The following FLNB variants were observed in gnomAD, a reference collection of about 807,000 sequenced individuals.
FLNB encodes filamin B.
A neutral mutation model predicts 250.6 loss-of-function variants in FLNB; 111 were observed. That is an observed-to-expected ratio of 0.44 (90% CI 0.38 to 0.52). The LOEUF (loss-of-function observed/expected upper bound fraction) is 0.52. Ranked by LOEUF, FLNB falls within the 20% of genes least tolerant of loss-of-function variation. The pLI is 0.00. For missense variants in FLNB, 2,869 were observed against 3,447.8 expected (o/e 0.83, Z 4.20); for synonymous variants, 1,302 against 1,372.1 (o/e 0.95, Z 1.13).
chr3:58,130,453 G>A (rs781197113), intron 24 of FLNB, among the ~76,000 whole-genome samples: 2 of 152,166 alleles, frequency 1.3e-5, no homozygotes, highest in Non-Finnish European at 2.9e-5. Flanking sequence ...TATGTAGGAT[G>A]TTAGAGTGAC....
intron 8 of FLNB, among the ~76,000 whole-genome samples, chr3:58,099,715 G>A (rs1283051143): frequency 1.3e-5 from 2 of 152,164 alleles, no homozygotes; most frequent in Non-Finnish European, 2.9e-5. Flanking sequence ...TGAGACCACT[G>A]GGCCAGAGGC....
chr3:58,161,917 T>A (rs1479126351), intron 42 of FLNB, among the ~76,000 whole-genome samples: 1 of 152,200 alleles, frequency 6.6e-6, no homozygotes, highest in Non-Finnish European at 1.5e-5. Flanking sequence ...CACGTCTGCC[T>A]TCCCCTCTCA....
At chr3:58,021,674 C>G (rs2097114250) in intron 1 of FLNB, among the ~76,000 whole-genome samples, 1 of 152,212 alleles carries the variant, frequency 6.6e-6, no homozygotes, top group Non-Finnish European at 1.5e-5. Context: ...CTAATTGTCT[C>G]TCCTATCCCT....
At chr3:58,057,902 T>C (rs1255036089) in intron 1 of FLNB, among the ~76,000 whole-genome samples, 1 of 152,014 alleles carries the variant, frequency 6.6e-6, no homozygotes, top group African/African-American at 2.4e-5. Context: ...GCGATTCTCC[T>C]ACCTCAGCCT....
At chr3:58,094,756 C>G in intron 4 of FLNB, 80 bp from the exon 5 acceptor site, 2 of 1,175,508 alleles carry the variant, frequency 1.7e-6, no homozygotes, top group Non-Finnish European at 2.6e-6. Context: ...TCTCTCAGTT[C>G]CCTGAAAGAG....
intron 24 of FLNB, among the ~76,000 whole-genome samples, chr3:58,128,119 G>A (rs1296361173): frequency 1.3e-5 from 2 of 152,154 alleles, no homozygotes; most frequent in African/African-American, 4.8e-5. Context: ...TCTGGGTCAC[G>A]CTGAGAGGGG....
In FLNB at chr3:58,091,804, G is replaced by C. The variant is rs549176979; in HGVS notation, c.788-3032G>C. Reference sequence around the variant, plus strand: ...CACCTACTGTCCTGCAAGACAAGCTGTCTTAGCCCTCACACTATAAAAGCC... The same window carrying C: ...CACCTACTGTCCTGCAAGACAAGCTCTCTTAGCCCTCACACTATAAAAGCC... On this transcript the variant is annotated intron_variant, in intron 4 of 45. Transcript: ENST00000295956. Among the ~76,000 whole-genome samples, 5 of 152,282 alleles carry C rather than the reference G, an allele frequency of 3.3e-5. No homozygotes were observed. In the East Asian group the frequency reaches 7.7e-4, roughly 23 times the overall value.
chr3:58,132,843 G>C lies in FLNB; in HGVS notation c.4426G>C (p.Asp1476His), dbSNP rs150947880. 34 of 1,614,036 alleles carry C rather than the reference G, an allele frequency of 2.1e-5. No homozygotes were observed. Among genetic ancestry groups the C allele is most frequent in the Non-Finnish European group, 2.4e-5 (28 of 1,180,028 alleles). The change falls in exon 26 of 46, where the codon GAT (aspartate) becomes CAT (histidine). Residue 1476 changes from aspartate to histidine, a missense_variant. By Grantham distance (81) the Asp-to-His change is moderately conservative. Around this residue, in one of 5 missense-constraint regions of FLNB, gnomAD observed 126 missense variants for 182.0 expected, o/e 0.69. Transcript: ENST00000295956. ...VEPVNVVDNG[D>H]GTHTVTYTPS... ...GCCAGTGAACGTGGTGGACAATGGA[G>C]ATGGCACACACACAGTAACCTACAC...
intron 43 of FLNB, among the ~76,000 whole-genome samples, chr3:58,166,662 A>T (rs1433083957): frequency 6.6e-6 from 1 of 151,818 alleles, no homozygotes; most frequent in Non-Finnish European, 1.5e-5. Flanking sequence ...CTCTACAAAA[A>T]AATTTAAAAA....
rs553780817 is a variant in FLNB, at chr3:58,078,394, A to C, written c.542-323A>C. 1.1e-5 allele frequency: 17 copies of C among 1,527,652 alleles called. No homozygotes were observed. The Admixed American group carries it at 3.3e-4, about 30-fold the overall frequency. 94.6% of individuals were successfully genotyped at this position (1,527,652 alleles called of 1,614,324 possible). A position where few individuals can be genotyped will look rare whatever the true frequency, so the allele number is the denominator to read the frequency against. ...TATATCCAGGAATAGAGTAAAAAATAAAATCCCTCCTGCATAAAGGCACCA... is the reference window on the plus strand; with the variant it reads ...TATATCCAGGAATAGAGTAAAAAATCAAATCCCTCCTGCATAAAGGCACCA... On this transcript the variant is annotated intron_variant, in intron 2 of 45. Transcript: ENST00000295956.
At chr3:58,114,753 G>A (rs915983054) in intron 18 of FLNB, among the ~76,000 whole-genome samples, 51 of 148,032 alleles carry the variant, frequency 3.4e-4, no homozygotes, top group Non-Finnish European at 6.5e-4. Context: ...TGACCATCCT[G>A]TTGAGTGTAA....
At chr3:58,155,703 A>G (rs774235632) in intron 40 of FLNB, among the ~76,000 whole-genome samples, 14 of 152,192 alleles carry the variant, frequency 9.2e-5, no homozygotes, top group Admixed American at 8.5e-4. Flanking sequence ...TTTTTTCCCC[A>G]TTGAAGTCCA....
chr3:58,059,739 A>T (rs1056768120), intron 1 of FLNB, among the ~76,000 whole-genome samples: 3 of 152,206 alleles, frequency 2.0e-5, no homozygotes, highest in African/African-American at 4.8e-5. Flanking sequence ...ACGACCGTTT[A>T]TCACGGGCCA....
intron 1 of FLNB, among the ~76,000 whole-genome samples, chr3:58,028,154 G>A (rs1291351197): frequency 6.6e-6 from 1 of 152,150 alleles, no homozygotes; most frequent in Non-Finnish European, 1.5e-5. Context: ...TGCTTTGTTT[G>A]GATACTTATG....
chr3:58,150,515 ACTAT>A, intron 38 of FLNB: 1 of 461,088 alleles, frequency 2.2e-6, no homozygotes. Flanking sequence ...TTTTAGATTA[ACTAT>A]CTGTCAAATA....
intron 19 of FLNB, among the ~76,000 whole-genome samples, chr3:58,119,354 G>A (rs193178177): frequency 2.6e-5 from 4 of 152,220 alleles, no homozygotes; most frequent in African/African-American, 9.6e-5. Flanking sequence ...TTTGGGCTAT[G>A]TTGCTTTCTG....
In FLNB at chr3:58,014,429, A is replaced by G. The variant is rs373545571; in HGVS notation, c.292+5573A>G. Among the ~76,000 whole-genome samples, 3 of 152,360 alleles carry G rather than the reference A, an allele frequency of 2.0e-5. No individual in the cohort carries two copies. The East Asian group carries it at 5.8e-4, about 29-fold the overall frequency. ...ACCCCTTTCAGGAATCTCTGGGCCA[A>G]ATCACTTCCAGATGGTGGTTGGGCC... On this transcript the variant is annotated intron_variant, in intron 1 of 45. Coordinates refer to ENST00000295956, the MANE Select transcript of FLNB (RefSeq NM_001457.4).
intron 43 of FLNB, chr3:58,165,779 G>A (rs17274482): frequency 0.05 from 7,595 of 152,178 alleles, 245 homozygotes; most frequent in Middle Eastern, 0.12. Context: ...CAGTGTGCTC[G>A]GGGTATACCA....
chr3:58,080,791 C>T (rs1260343787), intron 3 of FLNB, among the ~76,000 whole-genome samples: 1 of 136,970 alleles, frequency 7.3e-6, no homozygotes, highest in East Asian at 2.1e-4. Context: ...TGCGTCTGGC[C>T]TTTTTTTTTT....
Sources: gnomAD v4.1 joint callset for allele counts (sites outside exome capture counted in the v4.1 genomes callset) on GRCh38, gnomAD v4.1.1 for gene constraint, gnomAD v4.1.1 regional missense constraint, MANE v1.5 for transcripts, NCBI Gene and HGNC (gene_info 2026-07-23, HGNC 2026-07-21) for gene names.